TRIM22: variants seen among roughly 807,000 people sequenced by gnomAD.
TRIM22 encodes E3 ubiquitin-protein ligase TRIM22.
Under a neutral mutation model 53.6 loss-of-function variants are expected in TRIM22, and 45 were observed. The ratio of observed to expected loss-of-function variants is 0.84; its 90% CI spans 0.66 to 1.08. The LOEUF (loss-of-function observed/expected upper bound fraction) is 1.08. TRIM22 is among the 50% of genes least tolerant of loss of function. The probability of loss-of-function intolerance (pLI) is 0.00; values close to 1 mark genes in which losing one functional copy is unlikely to be tolerated. For missense variants in TRIM22, 616 were observed against 590.9 expected, an observed-to-expected ratio of 1.04 and a Z score of -0.44; for synonymous variants, 225 against 216.6, an observed-to-expected ratio of 1.04 and a Z score of -0.34.
rs1246151915 is a variant in TRIM22, at chr11:5,698,390, C to A, written c.595C>A (p.Gln199Lys). Residue 199 changes from glutamine to lysine, a missense_variant, in exon 4 of 8, where the codon CAG (glutamine) becomes AAG (lysine). By Grantham distance (53) the Gln-to-Lys change is moderately conservative. Transcript: ENST00000379965. ...EMRVILDNEE[Q>K]RELQKLEEGE... The stretch of plus-strand genomic sequence containing the variant: ...GAGAGTCATCTTGGACAATGAGGAG[C>A]AGAGAGAGCTGCAAAAGCTGGAGGA... 6.2e-7 allele frequency: 1 copy of A among 1,614,166 alleles called. No individual in the cohort carries two copies. The highest frequency in any genetic ancestry group is 8.5e-7 in the Non-Finnish European group (1 of 1,180,032).
At position 5,709,858 on chromosome 11, in the gene TRIM22, G is replaced by A; in HGVS notation, c.*210G>A. 1 of 543,550 alleles carries A rather than the reference G, an allele frequency of 1.8e-6. No individual in the cohort carries two copies. The highest frequency in any genetic ancestry group is 2.8e-5 in the South Asian group (1 of 35,968). The allele number at this position is 543,550 out of a possible 1,614,324, so 33.7% of individuals were successfully genotyped here. The stretch of plus-strand genomic sequence containing the variant: ...TAATTGTATTGCCGTACTGTGGGCT[G>A]GAAATCCCAAATCTAGATTCCAGCA... On this transcript the variant is annotated 3_prime_UTR_variant, in exon 8 of 8. Transcript: ENST00000379965.
chr11:5,704,307 T>C (rs1280763319), intron 4 of TRIM22, among the ~76,000 whole-genome samples: 2 of 152,210 alleles, frequency 1.3e-5, no homozygotes, highest in Non-Finnish European at 2.9e-5. Context: ...TTGACCTTAG[T>C]GGTGAAACCA....
chr11:5,700,102 G>T (rs1853346013), intron 4 of TRIM22, among the ~76,000 whole-genome samples: 1 of 150,524 alleles, frequency 6.6e-6, no homozygotes, highest in Non-Finnish European at 1.5e-5. Context: ...TTCATACTCT[G>T]CAGTTTGTAT....
chr11:5,709,203 CT>C lies in TRIM22; in HGVS notation c.1054del (p.Ser352ArgfsTer8), dbSNP rs762814019. ...GGTGTCTTCGGCTGCCAATATTTCT[CT>C]TCGGGGAAATATTACTGGGAAGTAG... is the stretch of plus-strand genomic sequence containing the variant. ...AFGVFGCQYF[S>X]SGKYYWEVDV... On this transcript the variant is annotated frameshift_variant, in exon 8 of 8. Coordinates refer to ENST00000379965, the MANE Select transcript of TRIM22 (RefSeq NM_006074.5). LOFTEE classifies it high-confidence loss of function. The C allele has an allele frequency of 1.2e-6, 2 of 1,614,168 alleles. No homozygotes were observed. Among genetic ancestry groups the C allele is most frequent in the Admixed American group, 3.3e-5 (2 of 60,028 alleles).
rs1853541558 is a variant in TRIM22 at position 5,710,413 on chromosome 11, T to C, written c.*765T>C. On this transcript the variant is annotated 3_prime_UTR_variant, in exon 8 of 8. Transcript: ENST00000379965. ...AACTTGTCAACTCATATCCACGTTA[T>C]CTAGCAAAGTACATAAGAATCTATC... 6.6e-6 allele frequency: 1 copy of C among 152,216 alleles called. No individual in the cohort carries two copies. The highest frequency in any genetic ancestry group is 2.4e-5 in the African/African-American group (1 of 41,458). 9.4% of individuals were successfully genotyped at this position (152,216 alleles called of 1,614,324 possible).
chr11:5,695,140 C>CAAA (rs1221323937), intron 1 of TRIM22, among the ~76,000 whole-genome samples: 6 of 152,098 alleles, frequency 3.9e-5, no homozygotes, highest in Admixed American at 1.3e-4. Flanking sequence ...AAGAAGTAGA[C>CAAA]ATTTAAAGAA....
At chr11:5,698,249 C>A in intron 3 of TRIM22, 66 bp from the exon 4 acceptor site, 2 of 1,316,426 alleles carry the variant, frequency 1.5e-6, no homozygotes, top group Non-Finnish European at 2.2e-6. Flanking sequence ...TCCTGTCTCC[C>A]AGGCTCATAC....
chr11:5,695,411 A>T (rs1853242000), intron 1 of TRIM22, among the ~76,000 whole-genome samples: 2 of 152,188 alleles, frequency 1.3e-5, no homozygotes, highest in Admixed American at 1.3e-4. Flanking sequence ...TGGGGAAAAA[A>T]GTCAGAGGAG....
intron 3 of TRIM22, 79 bp downstream of exon 3, chr11:5,697,422 T>C: frequency 5.1e-6 from 5 of 974,960 alleles, no homozygotes; most frequent in Non-Finnish European, 7.7e-6. Context: ...GGAGACCCCT[T>C]CCTCTTTGCT....
chr11:5,697,395 C>G (rs771123565), intron 3 of TRIM22, 52 bp downstream of exon 3: 1 of 1,389,448 alleles, frequency 7.2e-7, no homozygotes, highest in East Asian at 2.3e-5. Flanking sequence ...TGGGCAGGAC[C>G]CTGGGCTCTA....
intron 7 of TRIM22, 108 bp downstream of exon 7, chr11:5,708,711 T>A (rs1439454660): frequency 2.0e-6 from 2 of 981,338 alleles, no homozygotes; most frequent in African/African-American, 3.8e-5. Context: ...TTAAACCATG[T>A]AGTTCTTTTT....
chr11:5,708,127 G>T, intron 5 of TRIM22, 46 bp from the exon 6 acceptor site: 1 of 1,463,870 alleles, frequency 6.8e-7, no homozygotes, highest in Non-Finnish European at 9.6e-7. Context: ...TGGATGGAGA[G>T]AAATAGGGCA....
chr11:5,698,464 G>T lies in TRIM22; in HGVS notation c.669G>T (p.Leu223=). The T allele has an allele frequency of 6.2e-7, 1 of 1,614,098 alleles. No individual in the cohort carries two copies. Among genetic ancestry groups the T allele is most frequent in the Non-Finnish European group, 8.5e-7 (1 of 1,179,988 alleles). The change falls in exon 4 of 8, where the codon CTG becomes CTT. Residue 223 remains leucine (L), a synonymous_variant. Transcript: ENST00000379965. ...ACCTGGCAGCAGCTACAGACCAGCTGGTCCAGCAGAGGCAGGATGCCAGCA... is the reference window on the plus strand; with the variant it reads ...ACCTGGCAGCAGCTACAGACCAGCTTGTCCAGCAGAGGCAGGATGCCAGCA... The part of the protein sequence containing the change: ...LDNLAAATDQ[L]VQQRQDASTL...
In TRIM22 at chr11:5,709,366, T is replaced by C. The variant is rs781412190; in HGVS notation, c.1215T>C (p.Tyr405=). 2.5e-6 allele frequency: 4 copies of C among 1,614,092 alleles called. No homozygotes were observed. In the Admixed American group the frequency reaches 5.0e-5, roughly 20 times the overall value. ...SKVYSRYRPQ[Y]GYWVIGLQNT... Reference sequence around the variant, plus strand: ...TTTACTCCAGATATAGACCTCAATATGGCTACTGGGTTATAGGATTACAGA... The same window carrying C: ...TTTACTCCAGATATAGACCTCAATACGGCTACTGGGTTATAGGATTACAGA... The change falls in exon 8 of 8, where the codon TAT becomes TAC. Residue 405 remains tyrosine (Y), a synonymous_variant. Transcript: ENST00000379965.
At chr11:5,696,871 G>A (rs10838544) in intron 2 of TRIM22, 307,707 of 564,436 alleles carry the variant, frequency 0.55, 87,132 homozygotes, top group Non-Finnish European at 0.59. Context: ...GCAAGGAAAA[G>A]TTGAATGAAT....
chr11:5,695,386 G>A (rs1187671581), intron 1 of TRIM22, among the ~76,000 whole-genome samples: 2 of 152,072 alleles, frequency 1.3e-5, no homozygotes, highest in East Asian at 3.9e-4. Flanking sequence ...TTTAATTGAG[G>A]AGGTATTTTT....
At chr11:5,701,817 C>A (rs922020667) in intron 4 of TRIM22, among the ~76,000 whole-genome samples, 10 of 152,122 alleles carry the variant, frequency 6.6e-5, no homozygotes, top group African/African-American at 2.2e-4. Flanking sequence ...GCCTCAAGAA[C>A]TGTGAGAGAC....
intron 3 of TRIM22, 127 bp downstream of exon 3, chr11:5,697,470 G>C (rs1484065652): frequency 1.7e-5 from 11 of 640,002 alleles, no homozygotes; most frequent in Middle Eastern, 4.4e-4. Context: ...ATTTGATTAG[G>C]TCTCAATTTA....
At chr11:5,700,661 G>C (rs1853360763) in intron 4 of TRIM22, among the ~76,000 whole-genome samples, 1 of 113,310 alleles carries the variant, frequency 8.8e-6, no homozygotes, top group African/African-American at 3.6e-5. Flanking sequence ...TTGAGACGCA[G>C]TCTCGTTCTG....
Sources: gnomAD v4.1 joint callset for allele counts (sites outside exome capture counted in the v4.1 genomes callset) on GRCh38, gnomAD v4.1.1 for gene constraint, MANE v1.5 for transcripts, NCBI Gene and HGNC (gene_info 2026-07-23, HGNC 2026-07-21) for gene names.